VPS37A: variants seen among roughly 807,000 people sequenced by gnomAD.
VPS37A encodes vacuolar protein sorting-associated protein 37A.
In VPS37A, 30 loss-of-function variants were observed where a neutral mutation model predicts 49.8. The ratio of observed to expected loss-of-function variants is 0.60; its 90% confidence interval spans 0.45 to 0.82. VPS37A has a LOEUF of 0.82. Ranked by LOEUF, VPS37A falls within the 40% of genes least tolerant of loss-of-function variation. The probability of loss-of-function intolerance (pLI) is 0.00; values close to 1 mark genes in which losing one functional copy is unlikely to be tolerated. For synonymous variants in VPS37A, 195 were observed against 160.6 expected, an observed-to-expected ratio of 1.21 and a Z score of -1.62; for missense variants, 593 against 464.4, an observed-to-expected ratio of 1.28 and a Z score of -2.55.
chr8:17,321,120 G>A, the VPS37A span, among the ~76,000 whole-genome samples: 1 of 152,138 alleles, frequency 6.6e-6, no homozygotes, highest in East Asian at 1.9e-4. Context: ...AAGCTCTGAC[G>A]CTTAGCCCAG....
chr8:17,269,523 A>G (rs1585988506), intron 4 of VPS37A, among the ~76,000 whole-genome samples: 1 of 152,344 alleles, frequency 6.6e-6, no homozygotes, highest in South Asian at 2.1e-4. Context: ...CAGAGCTTTT[A>G]GCAACTATGA....
downstream of VPS37A, among the ~76,000 whole-genome samples, chr8:17,300,458 A>C (rs1388096746): frequency 3.3e-5 from 5 of 152,122 alleles, no homozygotes; most frequent in Admixed American, 1.3e-4. Context: ...TATAATAATA[A>C]ACAATATAGC....
At position 17,247,000 on chromosome 8, in the gene VPS37A, G is replaced by T; in HGVS notation, c.-245G>T. Reference sequence around the variant, plus strand: ...CCTGGCTGGCCGGTTTGGGCGTCTGGGCCGTGAAGGTGGGACCTCCTGTTC... The same window carrying T: ...CCTGGCTGGCCGGTTTGGGCGTCTGTGCCGTGAAGGTGGGACCTCCTGTTC... On this transcript the variant is annotated 5_prime_UTR_variant, in exon 1 of 12. Coordinates refer to ENST00000324849, the MANE Select transcript of VPS37A (RefSeq NM_152415.3). 1.8e-6 allele frequency: 1 copy of T among 541,678 alleles called. No individual in the cohort carries two copies. Among genetic ancestry groups the T allele is most frequent in the Non-Finnish European group, 3.3e-6 (1 of 305,568 alleles). 33.6% of individuals were successfully genotyped at this position (541,678 alleles called of 1,614,324 possible).
At chr8:17,257,375 T>G (rs1042254061) in intron 1 of VPS37A, among the ~76,000 whole-genome samples, 1 of 152,328 alleles carries the variant, frequency 6.6e-6, no homozygotes, top group African/African-American at 2.4e-5. Context: ...CTTGTTCTTT[T>G]TGCTCAGAGT....
At chr8:17,286,553 T>A (rs771512487) in intron 11 of VPS37A, 126 bp downstream of exon 11, 4 of 709,980 alleles carry the variant, frequency 5.6e-6, no homozygotes, top group Non-Finnish European at 4.7e-6. Flanking sequence ...CTGTGCTATG[T>A]AACATAGAAT....
chr8:17,313,439 T>G, the VPS37A span: 1 of 1,308,432 alleles, frequency 7.6e-7, no homozygotes, highest in Non-Finnish European at 1.1e-6. Context: ...AAAATTAAGG[T>G]ACTCTCTCAT....
At chr8:17,253,362 C>G (rs890210001) in intron 1 of VPS37A, among the ~76,000 whole-genome samples, 1 of 152,182 alleles carries the variant, frequency 6.6e-6, no homozygotes, top group Non-Finnish European at 1.5e-5. Flanking sequence ...CCAGAGTAAT[C>G]TTTCTAAAAT....
Position 17,280,232 on chromosome 8 carries a change from C to T in VPS37A, c.842-7C>T. ...ACCTAGAAGTAAACTAGAGATTTATCTTACAGGAAAAAATCTCCTTTTGGA... is the reference window on the plus strand; with the variant it reads ...ACCTAGAAGTAAACTAGAGATTTATTTTACAGGAAAAAATCTCCTTTTGGA... On this transcript the variant is annotated splice_polypyrimidine_tract_variant and splice_region_variant and intron_variant, in intron 7 of 11. Transcript: ENST00000324849. 6.2e-7 allele frequency: 1 copy of T among 1,612,450 alleles called. No homozygotes were observed. The highest frequency in any genetic ancestry group is 1.3e-5 in the African/African-American group (1 of 74,950).
At chr8:17,279,957 T>A in intron 6 of VPS37A, 71 bp from the exon 7 acceptor site, 3 of 1,597,648 alleles carry the variant, frequency 1.9e-6, no homozygotes, top group African/African-American at 1.3e-5. Flanking sequence ...AGCTGAAAAA[T>A]TGTAAATAGT....
In VPS37A at chr8:17,283,339, A is replaced by T. The variant is rs1586046093; in HGVS notation, c.970-1134A>T. ...CCTGGCTAATTTTTGTATTTTTTGTAGAGACGGGGTCTCGCTATGTTGCCC... is the reference window on the plus strand; with the variant it reads ...CCTGGCTAATTTTTGTATTTTTTGTTGAGACGGGGTCTCGCTATGTTGCCC... On this transcript the variant is annotated intron_variant, in intron 9 of 11. Coordinates refer to ENST00000324849, the MANE Select transcript of VPS37A (RefSeq NM_152415.3). 2.0e-5 allele frequency among the ~76,000 whole-genome samples: 3 copies of T among 152,048 alleles called. No individual in the cohort carries two copies. The South Asian group carries it at 6.2e-4, about 32-fold the overall frequency.
At chr8:17,306,600 C>A (rs1347295136), downstream of VPS37A, among the ~76,000 whole-genome samples, 2 of 152,100 alleles carry the variant, frequency 1.3e-5, no homozygotes, top group Non-Finnish European at 2.9e-5. Flanking sequence ...GCCCTTTACA[C>A]TACTGTGTGA....
chr8:17,259,250 C>T (rs1175617083), intron 1 of VPS37A, among the ~76,000 whole-genome samples: 1 of 151,982 alleles, frequency 6.6e-6, no homozygotes, highest in East Asian at 1.9e-4. Flanking sequence ...TTTGCTTTAT[C>T]CCATAGATTT....
At chr8:17,248,283 CGG>C in intron 1 of VPS37A, 1 of 398,910 alleles carries the variant, frequency 2.5e-6, no homozygotes, top group Non-Finnish European at 4.8e-6. Flanking sequence ...TTTTTTTTGC[CGG>C]GGGTACGGCT....
At chr8:17,309,190 G>A in the VPS37A span, 6 of 912,506 alleles carry the variant, frequency 6.6e-6, no homozygotes, top group Non-Finnish European at 1.0e-5. Flanking sequence ...CAAAAAACAA[G>A]ACGATTTTCC....
At chr8:17,305,733 C>A, downstream of VPS37A, 1 of 1,565,602 alleles carries the variant, frequency 6.4e-7, no homozygotes, top group East Asian at 2.3e-5. Flanking sequence ...AAAAGTTAAA[C>A]ACCAAAAACA....
At chr8:17,299,741 T>G, downstream of VPS37A, 1 of 1,383,964 alleles carries the variant, frequency 7.2e-7, no homozygotes, top group East Asian at 2.3e-5. Flanking sequence ...TTTTCATAGC[T>G]GCATTAAAGT....
Position 17,297,285 on chromosome 8 carries a change from T to G in VPS37A, c.*2299T>G, listed in dbSNP as rs1460728411. ...AGAAAATTCTAAATCAATCAATCAG[T>G]GAGATATAAACTAAACAGACCCACT... On this transcript the variant is annotated 3_prime_UTR_variant, in exon 12 of 12. Coordinates refer to ENST00000324849, the MANE Select transcript of VPS37A (RefSeq NM_152415.3). 1.3e-5 allele frequency: 2 copies of G among 152,070 alleles called. No homozygotes were observed. The highest frequency in any genetic ancestry group is 2.4e-5 in the African/African-American group (1 of 41,438). The allele number at this position is 152,070 out of a possible 1,614,324, so 9.4% of individuals were successfully genotyped here.
rs1329740091 is a variant in VPS37A at position 17,274,945 on chromosome 8, A to G, written c.629A>G (p.Asp210Gly). 1.9e-6 allele frequency: 3 copies of G among 1,614,072 alleles called. No individual in the cohort carries two copies. The highest frequency in any genetic ancestry group is 1.7e-5 in the Admixed American group (1 of 60,026). The change falls in exon 5 of 12, where the codon GAT (aspartate) becomes GGT (glycine). Residue 210 changes from aspartate to glycine, a missense_variant. Transcript: ENST00000324849. ...SNLPLPIPTV[D>G]ASIPTSQNGF... ...CTGCCATTACCCATTCCCACAGTGG[A>G]TGCTTCAATACCGGTTGGTATCGTC...
chr8:17,268,792 C>G (rs1287107190), intron 3 of VPS37A, 64 bp from the exon 4 acceptor site: 1 of 1,095,602 alleles, frequency 9.1e-7, no homozygotes. Flanking sequence ...GTGACATTAT[C>G]CTAATGAGAC....
Sources: gnomAD v4.1 joint callset for allele counts (sites outside exome capture counted in the v4.1 genomes callset) on GRCh38, gnomAD v4.1.1 for gene constraint, MANE v1.5 for transcripts, NCBI Gene and HGNC (gene_info 2026-07-23, HGNC 2026-07-21) for gene names.